ACACA: variants seen among roughly 807,000 people sequenced by gnomAD.
ACACA encodes acetyl-CoA carboxylase alpha, also known as acetyl-CoA carboxylase 1.
Under a neutral mutation model 296.1 loss-of-function variants are expected in ACACA, and 103 were observed. The ratio of observed to expected loss-of-function variants is 0.35; its 90% confidence interval spans 0.30 to 0.41. The LOEUF (loss-of-function observed/expected upper bound fraction) is 0.41, where lower values mean the gene tolerates loss of function less well. Among genes scored for constraint, ACACA ranks in the 10% least tolerant of loss-of-function variants. The pLI, the probability that ACACA is intolerant of heterozygous loss-of-function variation, is 1.00. For synonymous variants in ACACA, 953 were observed against 1,038.6 expected (o/e 0.92, Z 1.58); for missense variants, 1,554 against 2,989.7 (o/e 0.52, Z 11.20).
At chr17:37,127,319 C>G (rs1253682849) in intron 47 of ACACA, among the ~76,000 whole-genome samples, 1 of 152,166 alleles carries the variant, frequency 6.6e-6, no homozygotes, top group Non-Finnish European at 1.5e-5. Context: ...TTTGGAACTA[C>G]AGAATTAACT....
intron 25 of ACACA, among the ~76,000 whole-genome samples, chr17:37,232,753 G>A (rs527419777): frequency 6.6e-6 from 1 of 151,812 alleles, no homozygotes; most frequent in South Asian, 2.1e-4. Flanking sequence ...ATCCTCTTAC[G>A]TTTACTGGGT....
chr17:37,252,109 C>CT lies in ACACA; in HGVS notation c.1978-2dup. 1 of 1,614,060 alleles carries CT rather than the reference C, an allele frequency of 6.2e-7. No individual in the cohort carries two copies. Among genetic ancestry groups the CT allele is most frequent in the Non-Finnish European group, 8.5e-7 (1 of 1,179,954 alleles). On this transcript the variant is annotated splice_acceptor_variant, in intron 15 of 55. Coordinates refer to ENST00000616317, the MANE Select transcript of ACACA (RefSeq NM_198834.3). LOFTEE classifies it high-confidence loss of function. The stretch of plus-strand genomic sequence containing the variant: ...CCAACATGGTGTCAGGTCGCTCAGC[C>CT]TGAAAGGAGGAAAAAGAGGGCAGAT...
chr17:37,221,413 G>A (rs1247943571), intron 29 of ACACA: 1 of 391,540 alleles, frequency 2.6e-6, no homozygotes, highest in Non-Finnish European at 4.7e-6. Flanking sequence ...TGATTTTTCT[G>A]GCAAAGTTCT....
chr17:37,377,944 A>G (rs754344743), intron 1 of ACACA: 3 of 1,613,824 alleles, frequency 1.9e-6, no homozygotes, highest in Non-Finnish European at 2.5e-6. Flanking sequence ...CGTGAGAAGC[A>G]TCAGAGAATT....
At chr17:37,315,564 A>G (rs749479825) in intron 3 of ACACA, among the ~76,000 whole-genome samples, 3 of 152,190 alleles carry the variant, frequency 2.0e-5, no homozygotes, top group Non-Finnish European at 4.4e-5. Flanking sequence ...CTGACCAACC[A>G]GCTATAAATC....
chr17:37,262,215 T>C (rs1408016837), intron 11 of ACACA, among the ~76,000 whole-genome samples: 2 of 152,224 alleles, frequency 1.3e-5, no homozygotes, highest in Non-Finnish European at 2.9e-5. Flanking sequence ...AAATTTTTGC[T>C]GAGCACATGG....
chr17:37,087,341 G>A lies in ACACA; in HGVS notation c.7127C>T (p.Ser2376Phe). The change falls in exon 56 of 56, where the codon TCC (serine) becomes TTC (phenylalanine). Residue 2376 changes from serine (S) to phenylalanine (F), a missense_variant. Physicochemically the swap from Ser to Phe is radical, Grantham distance 155 (BLOSUM62 -2). Coordinates refer to ENST00000616317, the MANE Select transcript of ACACA (RefSeq NM_198834.3). ...TQRAEVIRIL[S>F]TMDSPST Reference sequence around the variant, plus strand: ...CTACGTGGAAGGGGAATCCATTGTGGAGAGGATCCGTATGACTTCTGCTCG... The same window carrying A: ...CTACGTGGAAGGGGAATCCATTGTGAAGAGGATCCGTATGACTTCTGCTCG... 2 of 1,614,194 alleles carry A rather than the reference G, an allele frequency of 1.2e-6. No individual in the cohort carries two copies. Among genetic ancestry groups the A allele is most frequent in the Non-Finnish European group, 1.7e-6 (2 of 1,180,042 alleles).
At chr17:37,304,092 A>G in intron 3 of ACACA, among the ~76,000 whole-genome samples, 1 of 152,250 alleles carries the variant, frequency 6.6e-6, no homozygotes, top group Non-Finnish European at 1.5e-5. Flanking sequence ...ACTATTAGAT[A>G]ATTATAAAAC....
At chr17:37,130,354 G>A in intron 45 of ACACA, 136 bp from the exon 46 acceptor site, 1 of 1,057,664 alleles carries the variant, frequency 9.5e-7, no homozygotes, top group Non-Finnish European at 1.4e-6. Context: ...TTGTTCTGAG[G>A]GACTATCTGA....
At chr17:37,319,690 C>T (rs901630673) in intron 3 of ACACA, among the ~76,000 whole-genome samples, 7 of 151,978 alleles carry the variant, frequency 4.6e-5, no homozygotes, top group African/African-American at 1.2e-4. Flanking sequence ...CTGTGGCTCA[C>T]GCCTGTAATC....
intron 42 of ACACA, among the ~76,000 whole-genome samples, chr17:37,160,318 A>C (rs569343213): frequency 2.0e-5 from 3 of 152,362 alleles, no homozygotes; most frequent in African/African-American, 7.2e-5. Context: ...GATTGTCTTT[A>C]GACAGAAGTA....
chr17:37,377,499 A>C (rs1310497001), intron 1 of ACACA, among the ~76,000 whole-genome samples: 1 of 151,884 alleles, frequency 6.6e-6, no homozygotes, highest in Non-Finnish European at 1.5e-5. Flanking sequence ...ATCTCTACTA[A>C]AAATACAAAA....
In ACACA at chr17:37,085,661, C is replaced by T; in HGVS notation, c.*1655G>A. ...CAGGGCAGCCGGGCTGAGGCTCTGA[C>T]TCCTGGGGGCTGTCCGCTCCATACC... On this transcript the variant is annotated 3_prime_UTR_variant, in exon 56 of 56. Coordinates refer to ENST00000616317, the MANE Select transcript of ACACA (RefSeq NM_198834.3). 1 of 399,190 alleles carries T rather than the reference C, an allele frequency of 2.5e-6. No individual in the cohort carries two copies. The allele number at this position is 399,190 out of a possible 1,614,324, so 24.7% of individuals were successfully genotyped here.
chr17:37,191,352 G>A (rs2077742289), intron 37 of ACACA, 77 bp from the exon 38 acceptor site: 1 of 1,380,130 alleles, frequency 7.2e-7, no homozygotes, highest in East Asian at 2.4e-5. Flanking sequence ...AATCACTTAA[G>A]CAGCAGTATA....
Position 37,130,071 on chromosome 17 carries a change from T to G in ACACA, c.5823+4A>C. 1 of 1,614,062 alleles carries G rather than the reference T, an allele frequency of 6.2e-7. No homozygotes were observed. The highest frequency in any genetic ancestry group is 8.5e-7 in the Non-Finnish European group (1 of 1,179,948). On this transcript the variant is annotated splice_donor_region_variant and intron_variant, in intron 46 of 55. Transcript: ENST00000616317. ...CATGTCAGTGCTGGGTAGGAAGGGCTCACCTTGGGCATGTAAGACAGCCAG... is the reference window on the plus strand; with the variant it reads ...CATGTCAGTGCTGGGTAGGAAGGGCGCACCTTGGGCATGTAAGACAGCCAG...
At chr17:37,325,503 G>A (rs1480728454) in intron 3 of ACACA, among the ~76,000 whole-genome samples, 1 of 148,674 alleles carries the variant, frequency 6.7e-6, no homozygotes, top group Non-Finnish European at 1.5e-5. Context: ...AGCCAAATCA[G>A]TTGTCTACAA....
chr17:37,119,035 C>T lies in ACACA; in HGVS notation c.6274+2320G>A, dbSNP rs1206241537. Among the ~76,000 whole-genome samples the T allele has an allele frequency of 2.0e-5, 3 of 152,308 alleles. No individual in the cohort carries two copies. In the East Asian group the frequency reaches 5.8e-4, roughly 29 times the overall value. ...GAAGTAATGTCAGGAAGAGTACATT[C>T]TCAGTGGGCCCCCCACAAAGAGATA... On this transcript the variant is annotated intron_variant, in intron 50 of 55. Coordinates refer to ENST00000616317, the MANE Select transcript of ACACA (RefSeq NM_198834.3).
At chr17:37,213,861 C>A (rs1039443102) in intron 29 of ACACA, among the ~76,000 whole-genome samples, 1 of 152,128 alleles carries the variant, frequency 6.6e-6, no homozygotes, top group Admixed American at 6.5e-5. Flanking sequence ...ACTTCTCTGG[C>A]AGCCACAAGT....
At position 37,258,264 on chromosome 17, in the gene ACACA, C is replaced by T; in HGVS notation, c.1610G>A (p.Cys537Tyr). The change falls in exon 13 of 56, where the codon TGT (cysteine) becomes TAT (tyrosine). Residue 537 changes from cysteine to tyrosine, a missense_variant. By Grantham distance (194) the Cys-to-Tyr change is radical. This residue lies in a region of ACACA where 37 missense variants were observed against 49.9 expected (regional missense o/e 0.74). Transcript: ENST00000616317. ...IDFEDSAHVPCPRGHVIAARI... is the reference protein window; with the variant it reads ...IDFEDSAHVPYPRGHVIAARI... ...AGCAGCAATAACATGGCCCCTTGGA[C>T]AAGGAACGTGTGCAGAATCTTCAAA... 1.2e-6 allele frequency: 2 copies of T among 1,614,084 alleles called. No homozygotes were observed. The highest frequency in any genetic ancestry group is 8.5e-7 in the Non-Finnish European group (1 of 1,180,006).
Sources: allele counts gnomAD v4.1 joint callset (sites outside exome capture counted in the v4.1 genomes callset), GRCh38; gene constraint gnomAD v4.1.1; regional missense constraint gnomAD v4.1.1; transcripts MANE v1.5; gene names NCBI Gene and HGNC (gene_info 2026-07-23, HGNC 2026-07-21).